GLIS3: variants seen among roughly 807,000 people sequenced by gnomAD.
GLIS3 encodes the protein zinc finger protein GLIS3.
A neutral mutation model predicts 78.6 loss-of-function variants in GLIS3; 53 were observed. The observed-to-expected ratio is 0.67, with a 90% confidence interval of 0.54 to 0.85. GLIS3 has a LOEUF of 0.85. GLIS3 is among the 40% of genes least tolerant of loss of function. The pLI is 0.00. For synonymous variants in GLIS3, 684 were observed against 509.9 expected, an observed-to-expected ratio of 1.34 and a Z score of -4.60; for missense variants, 1,703 against 1,231.1, an observed-to-expected ratio of 1.38 and a Z score of -5.74.
At chr9:4,427,291 C>G in the GLIS3 span, among the ~76,000 whole-genome samples, 1 of 152,166 alleles carries the variant, frequency 6.6e-6, no homozygotes, top group Middle Eastern at 3.2e-3. Flanking sequence ...AAGAACTCCC[C>G]TCTTCTCCAC....
chr9:4,255,133 G>C (rs769642773), intron 2 of GLIS3, among the ~76,000 whole-genome samples: 1 of 152,114 alleles, frequency 6.6e-6, no homozygotes, highest in Non-Finnish European at 1.5e-5. Context: ...TACATCATCA[G>C]AGAAAGGCAA....
chr9:4,098,027 G>C (rs1830094751), intron 4 of GLIS3, among the ~76,000 whole-genome samples: 1 of 152,082 alleles, frequency 6.6e-6, no homozygotes, highest in African/African-American at 2.4e-5. Flanking sequence ...TTTAAAATCA[G>C]GGTCTCAGCA....
intron 4 of GLIS3, among the ~76,000 whole-genome samples, chr9:3,971,288 C>G (rs1400650843): frequency 6.6e-6 from 1 of 152,130 alleles, no homozygotes; most frequent in African/African-American, 2.4e-5. Context: ...TATGTCACAT[C>G]AGAAGGAGCT....
chr9:3,907,507 C>T (rs1823789686), intron 6 of GLIS3, among the ~76,000 whole-genome samples: 1 of 151,966 alleles, frequency 6.6e-6, no homozygotes, highest in Non-Finnish European at 1.5e-5. Context: ...CCTCTGATCC[C>T]TTCGATTAGC....
intron 2 of GLIS3, among the ~76,000 whole-genome samples, chr9:4,262,434 A>T (rs1173209723): frequency 6.6e-6 from 1 of 152,086 alleles, no homozygotes; most frequent in African/African-American, 2.4e-5. Flanking sequence ...GGGGCCCAAG[A>T]GGCTAAATCG....
intron 6 of GLIS3, among the ~76,000 whole-genome samples, chr9:3,919,850 T>G (rs972940494): frequency 6.6e-6 from 1 of 151,936 alleles, no homozygotes; most frequent in Admixed American, 6.6e-5. Flanking sequence ...CGTAGAATTG[T>G]TTTGAAGACT....
chr9:4,128,664 G>C (rs1257332097), intron 2 of GLIS3, among the ~76,000 whole-genome samples: 1 of 152,070 alleles, frequency 6.6e-6, no homozygotes, highest in Non-Finnish European at 1.5e-5. Context: ...TTGCTAACTA[G>C]ATCTGAATGG....
rs866158883 is a variant in GLIS3 at position 4,265,103 on chromosome 9, T to G, written c.388+20935A>C. 5.5e-3 allele frequency among the ~76,000 whole-genome samples: 783 copies of G among 142,158 alleles called. 9 individuals are homozygous for G. Among genetic ancestry groups the G allele is most frequent in the Non-Finnish European group, 8.0e-3 (533 of 66,462 alleles). 93.3% of individuals were successfully genotyped at this position (142,158 alleles called of 152,430 possible). A position where few individuals can be genotyped will look rare whatever the true frequency, so the allele number is the denominator to read the frequency against. On this transcript the variant is annotated intron_variant, in intron 2 of 10. Coordinates refer to ENST00000381971, the MANE Select transcript of GLIS3 (RefSeq NM_001042413.2). ...AGGAGAATGGCGTGAACCTGGGAGG[T>G]AGAGCTTGCAGTGAGCCGAGATCAC...
chr9:4,298,114 C>G (rs954780041), intron 1 of GLIS3, among the ~76,000 whole-genome samples: 1 of 152,120 alleles, frequency 6.6e-6, no homozygotes, highest in African/African-American at 2.4e-5. Flanking sequence ...CAACTCGCTC[C>G]TGAGTGAGTC....
intron 2 of GLIS3, among the ~76,000 whole-genome samples, chr9:4,218,574 G>A (rs185217200): frequency 1.2e-4 from 18 of 152,294 alleles, no homozygotes; most frequent in South Asian, 6.2e-4. Context: ...CACCGCGCCC[G>A]GCCTTGAACT....
chr9:4,234,495 A>G (rs553899431), intron 2 of GLIS3, among the ~76,000 whole-genome samples: 3 of 152,230 alleles, frequency 2.0e-5, no homozygotes, highest in Non-Finnish European at 2.9e-5. Flanking sequence ...TTAGTCTTAT[A>G]TGGGCCAGTT....
intron 6 of GLIS3, among the ~76,000 whole-genome samples, chr9:3,914,321 A>G (rs627643): frequency 0.88 from 131,279 of 149,632 alleles, 57,514 homozygotes; most frequent in African/African-American, 0.92. Flanking sequence ...AAGTTTTTTC[A>G]GATTTTTGGA....
At chr9:4,286,677 C>T (rs1021258456) in intron 1 of GLIS3, among the ~76,000 whole-genome samples, 154 bp from the exon 2 acceptor site, 4 of 152,168 alleles carry the variant, frequency 2.6e-5, no homozygotes, top group Non-Finnish European at 4.4e-5. Flanking sequence ...ATACACGGCT[C>T]ATTGGCAGGC....
At chr9:3,979,104 A>G (rs1819031703) in intron 4 of GLIS3, among the ~76,000 whole-genome samples, 2 of 152,268 alleles carry the variant, frequency 1.3e-5, no homozygotes, top group Admixed American at 6.5e-5. Context: ...AGGGAAAACC[A>G]TATATTATAT....
At chr9:4,180,945 A>G (rs1275708087) in intron 2 of GLIS3, among the ~76,000 whole-genome samples, 1 of 152,206 alleles carries the variant, frequency 6.6e-6, no homozygotes, top group Non-Finnish European at 1.5e-5. Flanking sequence ...CTCCCTGGGC[A>G]TCCTGAATGT....
intron 2 of GLIS3, among the ~76,000 whole-genome samples, chr9:4,346,354 C>G (rs1817896706): frequency 6.6e-6 from 1 of 151,594 alleles, no homozygotes; most frequent in South Asian, 2.1e-4. Flanking sequence ...ATTTGACAGT[C>G]AAAGCAGAGC....
intron 2 of GLIS3, among the ~76,000 whole-genome samples, chr9:4,259,964 T>G (rs1190717848): frequency 6.6e-6 from 1 of 152,208 alleles, no homozygotes; most frequent in African/African-American, 2.4e-5. Flanking sequence ...TTTGTCTTTG[T>G]GTAAGCCCTA....
chr9:4,168,064 G>C (rs147822679), intron 2 of GLIS3, among the ~76,000 whole-genome samples: 2 of 152,136 alleles, frequency 1.3e-5, no homozygotes, highest in Admixed American at 1.3e-4. Context: ...ACCTGGCCCG[G>C]TTAAATGCAA....
At chr9:4,326,236 G>A (rs1423769964) in intron 2 of GLIS3, among the ~76,000 whole-genome samples, 3 of 152,152 alleles carry the variant, frequency 2.0e-5, no homozygotes, top group Non-Finnish European at 2.9e-5. Context: ...ATAGTCTGTT[G>A]AAGAAAAATA....
Sources: allele counts gnomAD v4.1 joint callset (sites outside exome capture counted in the v4.1 genomes callset), GRCh38; gene constraint gnomAD v4.1.1; transcripts MANE v1.5; gene names NCBI Gene and HGNC (gene_info 2026-07-23, HGNC 2026-07-21).